TSPAN5: variants seen among roughly 807,000 people sequenced by gnomAD.
The protein encoded by TSPAN5 is tetraspanin 5.
A neutral mutation model predicts 37.1 loss-of-function variants in TSPAN5; 10 were observed. That is an observed-to-expected ratio of 0.27 (90% confidence interval 0.17 to 0.46). The LOEUF is 0.46. Ranked by LOEUF, TSPAN5 falls within the 20% of genes least tolerant of loss-of-function variation. TSPAN5 has a pLI of 1.00. For synonymous variants in TSPAN5, 110 were observed against 118.9 expected (o/e 0.93, Z 0.48); for missense variants, 195 against 326.6 (o/e 0.60, Z 3.11).
intron 1 of TSPAN5, among the ~76,000 whole-genome samples, chr4:98,577,225 G>A (rs1755259696): frequency 6.6e-6 from 1 of 152,162 alleles, no homozygotes; most frequent in Admixed American, 6.5e-5. Flanking sequence ...GCCAGAAGCA[G>A]TGCCATCCCT....
intron 1 of TSPAN5, among the ~76,000 whole-genome samples, chr4:98,633,431 G>C (rs1395523229): frequency 6.6e-6 from 1 of 152,168 alleles, no homozygotes; most frequent in Admixed American, 6.5e-5. Flanking sequence ...TAAAATTGCA[G>C]ATGAAGTTAT....
Position 98,639,484 on chromosome 4 carries a change from ATT to A in TSPAN5, c.81+18660_81+18661del, listed in dbSNP as rs147127835. Among the ~76,000 whole-genome samples, 82 of 136,600 alleles carry A rather than the reference ATT, an allele frequency of 6.0e-4. No homozygotes were observed. The East Asian group carries it at 9.0e-3, about 15-fold the overall frequency. The allele number at this position is 136,600 out of a possible 152,430, so 89.6% of individuals were successfully genotyped here. ...AGGCACACCCCACTGTGACTGGCTA[ATT>A]TTTTTTTTTTTTTTTGTACAGACAG... On this transcript the variant is annotated intron_variant, in intron 1 of 7. Coordinates refer to ENST00000305798, the MANE Select transcript of TSPAN5 (RefSeq NM_005723.4).
chr4:98,627,361 C>A (rs1392459903), intron 1 of TSPAN5, among the ~76,000 whole-genome samples: 1 of 151,544 alleles, frequency 6.6e-6, no homozygotes, highest in African/African-American at 2.4e-5. Context: ...TATAGGAGTT[C>A]TTATTTTAGT....
At chr4:98,569,197 A>C (rs1283952860) in intron 1 of TSPAN5, among the ~76,000 whole-genome samples, 1 of 152,254 alleles carries the variant, frequency 6.6e-6, no homozygotes, top group African/African-American at 2.4e-5. Flanking sequence ...ACAGGAAGAA[A>C]ATGTGTACTA....
chr4:98,614,851 G>T (rs2110239148), intron 1 of TSPAN5, among the ~76,000 whole-genome samples: 1 of 152,302 alleles, frequency 6.6e-6, no homozygotes, highest in East Asian at 1.9e-4. Context: ...ACAACATGAA[G>T]TAATAAATCT....
chr4:98,487,825 A>G (rs180878630), intron 2 of TSPAN5, among the ~76,000 whole-genome samples: 39 of 152,326 alleles, frequency 2.6e-4, no homozygotes, highest in African/African-American at 8.7e-4. Context: ...TCCACAAAAA[A>G]TGACATTTCT....
intron 1 of TSPAN5, among the ~76,000 whole-genome samples, chr4:98,513,170 C>T (rs934279818): frequency 9.2e-5 from 14 of 152,130 alleles, no homozygotes; most frequent in African/African-American, 3.1e-4. Flanking sequence ...ATTGCTGTGG[C>T]TGGTGCACAG....
intron 1 of TSPAN5, among the ~76,000 whole-genome samples, chr4:98,540,840 C>T (rs1173974619): frequency 1.3e-5 from 2 of 152,180 alleles, no homozygotes; most frequent in African/African-American, 4.8e-5. Flanking sequence ...GCTGATCAAT[C>T]GCTTCTTTTG....
chr4:98,495,821 T>G (rs764434571), intron 2 of TSPAN5, among the ~76,000 whole-genome samples: 1 of 151,960 alleles, frequency 6.6e-6, no homozygotes, highest in Non-Finnish European at 1.5e-5. Flanking sequence ...CTGGCAAGCT[T>G]CTTCTCGCAA....
intron 1 of TSPAN5, among the ~76,000 whole-genome samples, chr4:98,579,110 G>A (rs1217085010): frequency 6.6e-6 from 1 of 152,118 alleles, no homozygotes; most frequent in Non-Finnish European, 1.5e-5. Context: ...TGTTAGAGCA[G>A]AACAGGTGCT....
chr4:98,575,692 GA>G (rs961447941), intron 1 of TSPAN5, among the ~76,000 whole-genome samples: 3 of 150,914 alleles, frequency 2.0e-5, no homozygotes, highest in African/African-American at 7.3e-5. Flanking sequence ...TAATATTCTA[GA>G]AACTTTTCCT....
chr4:98,577,408 C>A (rs1378523779), intron 1 of TSPAN5, among the ~76,000 whole-genome samples: 1 of 152,150 alleles, frequency 6.6e-6, no homozygotes, highest in East Asian at 1.9e-4. Flanking sequence ...CAAGTCCCCT[C>A]ATCATTTGCC....
chr4:98,478,706 G>A lies in TSPAN5; in HGVS notation c.555C>T (p.Ser185=), dbSNP rs74505124. 2,401 of 1,614,120 alleles carry A rather than the reference G, an allele frequency of 1.5e-3. 38 individuals are homozygous for A. In the African/African-American group the frequency reaches 0.027, roughly 18 times the overall value. Residue 185 remains serine (S), a synonymous_variant, in exon 5 of 8, where the codon TCC becomes TCT. Coordinates refer to ENST00000305798, the MANE Select transcript of TSPAN5 (RefSeq NM_005723.4). The part of the protein sequence containing the change: ...ASRERCGVPF[S]CCTKDPAEDV... Reference sequence around the variant, plus strand: ...TTACTGCGGGATCTTTAGTGCAGCAGGAGAATGGAACGCCACATCGCTCTC... The same window carrying A: ...TTACTGCGGGATCTTTAGTGCAGCAAGAGAATGGAACGCCACATCGCTCTC...
At chr4:98,658,074 G>C in intron 1 of TSPAN5, 72 bp downstream of exon 1, 4 of 1,395,254 alleles carry the variant, frequency 2.9e-6, no homozygotes, top group South Asian at 1.2e-5. Context: ...TAAAGGCAAC[G>C]AACAACGTGG....
intron 1 of TSPAN5, among the ~76,000 whole-genome samples, chr4:98,523,107 A>G (rs1211306940): frequency 6.6e-6 from 1 of 152,226 alleles, no homozygotes; most frequent in Non-Finnish European, 1.5e-5. Context: ...TAATTTACAT[A>G]TAAGACAAAC....
At chr4:98,627,750 C>T (rs2110258270) in intron 1 of TSPAN5, among the ~76,000 whole-genome samples, 1 of 152,238 alleles carries the variant, frequency 6.6e-6, no homozygotes, top group Middle Eastern at 3.4e-3. Flanking sequence ...GCTTGATCTC[C>T]ATGAATTGCT....
intron 1 of TSPAN5, among the ~76,000 whole-genome samples, chr4:98,567,656 G>A: frequency 6.6e-6 from 1 of 152,206 alleles, no homozygotes; most frequent in East Asian, 1.9e-4. Flanking sequence ...AGTACCACAG[G>A]AGGTCAGAGA....
At chr4:98,641,853 C>T (rs1756966916) in intron 1 of TSPAN5, among the ~76,000 whole-genome samples, 1 of 152,156 alleles carries the variant, frequency 6.6e-6, no homozygotes, top group African/African-American at 2.4e-5. Context: ...TGCTGGGCTC[C>T]CAGAAGAGAA....
intron 1 of TSPAN5, among the ~76,000 whole-genome samples, chr4:98,513,206 A>G (rs906875383): frequency 6.6e-6 from 1 of 151,474 alleles, no homozygotes; most frequent in Non-Finnish European, 1.5e-5. Flanking sequence ...GGGAAGGTAC[A>G]GCAGGTTTGC....
Sources: gnomAD v4.1 joint callset for allele counts (sites outside exome capture counted in the v4.1 genomes callset) on GRCh38, gnomAD v4.1.1 for gene constraint, MANE v1.5 for transcripts, NCBI Gene and HGNC (gene_info 2026-07-23, HGNC 2026-07-21) for gene names.